Variants in DPP6 observed in about 807,000 individuals in gnomAD.
DPP6 encodes dipeptidyl peptidase like 6, also known as A-type potassium channel modulatory protein DPP6.
A neutral mutation model predicts 122.6 loss-of-function variants in DPP6; 69 were observed. The ratio of observed to expected loss-of-function variants is 0.56; its 90% CI spans 0.46 to 0.69. DPP6 has a LOEUF of 0.69. DPP6 is among the 30% of genes least tolerant of loss of function. The pLI, the probability that DPP6 is intolerant of heterozygous loss-of-function variation, is 0.00. For synonymous variants in DPP6, 418 were observed against 433.1 expected (o/e 0.97, Z 0.43); for missense variants, 928 against 1,116.9 (o/e 0.83, Z 2.41).
At chr7:153,886,399 C>G (rs1455040785), upstream of DPP6, among the ~76,000 whole-genome samples, 1 of 152,038 alleles carries the variant, frequency 6.6e-6, no homozygotes, top group East Asian at 2.0e-4. Context: ...GAAATGGGCG[C>G]TGGGATTTGG....
rs1302679008 is a variant in DPP6 at position 154,686,407 on chromosome 7, C to CT, written c.762+16966_762+16967insT. Reference sequence around the variant, plus strand: ...ATTTGTATATTTGTATTCAAGGCCACCATAAGGATTTTTTTTTTTTTGGCA... The same window carrying CT: ...ATTTGTATATTTGTATTCAAGGCCACTCATAAGGATTTTTTTTTTTTTGGCA... On this transcript the variant is annotated intron_variant, in intron 7 of 25. Coordinates refer to ENST00000377770, the MANE Select transcript of DPP6 (RefSeq NM_130797.4). 1.1e-4 allele frequency among the ~76,000 whole-genome samples: 8 copies of CT among 74,088 alleles called. 1 individual carries two copies. Among genetic ancestry groups the CT allele is most frequent in the Non-Finnish European group, 2.1e-4 (6 of 28,290 alleles). 48.6% of individuals were successfully genotyped at this position (74,088 alleles called of 152,430 possible). A position where few individuals can be genotyped will look rare whatever the true frequency, so the allele number is the denominator to read the frequency against.
the DPP6 span, among the ~76,000 whole-genome samples, chr7:153,826,904 C>T: frequency 6.6e-6 from 1 of 151,836 alleles, no homozygotes; most frequent in Non-Finnish European, 1.5e-5. Flanking sequence ...ATAATTTTGG[C>T]ATATAGATGG....
At chr7:154,657,767 TAGG>T (rs1476126331) in intron 6 of DPP6, among the ~76,000 whole-genome samples, 1 of 152,022 alleles carries the variant, frequency 6.6e-6, no homozygotes, top group Non-Finnish European at 1.5e-5. Context: ...AGAAACTGTG[TAGG>T]AGGAGGTCCT....
intron 1 of DPP6, among the ~76,000 whole-genome samples, chr7:154,044,238 G>T (rs1295114347): frequency 2.0e-5 from 3 of 152,206 alleles, no homozygotes; most frequent in Non-Finnish European, 4.4e-5. Flanking sequence ...AATGCAATTA[G>T]TAGTATAGAC....
chr7:153,878,003 C>T, the DPP6 span, among the ~76,000 whole-genome samples: 1 of 152,078 alleles, frequency 6.6e-6, no homozygotes, highest in African/African-American at 2.4e-5. Flanking sequence ...TACTAAGAAA[C>T]ATATAAAAGC....
chr7:154,884,113 CACACATGCTCACCCAT>C (rs1304520630), intron 21 of DPP6: 3 of 147,946 alleles, frequency 2.0e-5, no homozygotes, highest in Non-Finnish European at 4.5e-5. Flanking sequence ...CACATGCTCA[CACACATGCTCACCCAT>C]ACACATGCTC....
At chr7:154,810,811 T>C (rs942346495) in intron 16 of DPP6, among the ~76,000 whole-genome samples, 1 of 152,082 alleles carries the variant, frequency 6.6e-6, no homozygotes, top group Non-Finnish European at 1.5e-5. Flanking sequence ...ACCTGGCCCA[T>C]TGGGCACCTC....
intron 5 of DPP6, among the ~76,000 whole-genome samples, chr7:154,574,406 GTATGTGTGGTGTGTA>G (rs1176883159): frequency 1.9e-4 from 28 of 146,806 alleles, no homozygotes; most frequent in African/African-American, 6.4e-4. Flanking sequence ...TGTGGTGTGT[GTATGTGTGGTGTGTA>G]TATGTGTGGT....
chr7:154,206,461 A>G (rs951296684), intron 1 of DPP6, among the ~76,000 whole-genome samples: 1 of 152,160 alleles, frequency 6.6e-6, no homozygotes, highest in African/African-American at 2.4e-5. Context: ...CCCCAGACAT[A>G]TTGCTCATCG....
At chr7:154,616,466 A>C (rs910593979) in intron 5 of DPP6, among the ~76,000 whole-genome samples, 17 of 152,118 alleles carry the variant, frequency 1.1e-4, no homozygotes, top group Non-Finnish European at 2.1e-4. Context: ...AGAGGGTAGA[A>C]TCAAAAACAA....
intron 7 of DPP6, among the ~76,000 whole-genome samples, chr7:154,709,908 C>A (rs972696170): frequency 3.3e-5 from 5 of 152,206 alleles, no homozygotes; most frequent in Non-Finnish European, 7.3e-5. Context: ...GGGCCTGACA[C>A]CTGCTTTGAA....
intron 1 of DPP6, among the ~76,000 whole-genome samples, chr7:154,197,929 G>GCCCA (rs1798953740): frequency 6.6e-6 from 1 of 152,100 alleles, no homozygotes; most frequent in Non-Finnish European, 1.5e-5. Context: ...AGCAGGAGCG[G>GCCCA]CCCACCCAGG....
intron 6 of DPP6, among the ~76,000 whole-genome samples, chr7:154,646,190 A>G (rs1836468939): frequency 6.6e-6 from 1 of 152,060 alleles, no homozygotes; most frequent in Non-Finnish European, 1.5e-5. Context: ...CCAATTGACA[A>G]TGACTTCCTG....
chr7:154,003,429 T>A (rs1266792555), intron 1 of DPP6, among the ~76,000 whole-genome samples: 1 of 152,216 alleles, frequency 6.6e-6, no homozygotes, highest in Non-Finnish European at 1.5e-5. Context: ...AGGCTCACAA[T>A]CAATAGTCAT....
At chr7:154,756,992 G>C (rs1162343645) in intron 8 of DPP6, among the ~76,000 whole-genome samples, 1 of 146,698 alleles carries the variant, frequency 6.8e-6, no homozygotes, top group East Asian at 2.0e-4. Context: ...CATCCCTCAC[G>C]GCCCCTGAGG....
At chr7:153,881,088 A>G in the DPP6 span, among the ~76,000 whole-genome samples, 1 of 152,218 alleles carries the variant, frequency 6.6e-6, no homozygotes, top group Non-Finnish European at 1.5e-5. Flanking sequence ...ATAGTGGAAG[A>G]GGCAGCAGCA....
chr7:154,574,789 G>A lies in DPP6; in HGVS notation c.627+7873G>A, dbSNP rs980241173. On this transcript the variant is annotated intron_variant, in intron 5 of 25. Coordinates refer to ENST00000377770, the MANE Select transcript of DPP6 (RefSeq NM_130797.4). Reference sequence around the variant, plus strand: ...ATGTGTGTGGTGCATATGTGTGTGTGTGTGGTGTGTGTTTGTGTGTGTGAT... The same window carrying A: ...ATGTGTGTGGTGCATATGTGTGTGTATGTGGTGTGTGTTTGTGTGTGTGAT... Among the ~76,000 whole-genome samples the A allele has an allele frequency of 8.1e-3, 839 of 103,756 alleles. 13 individuals carry two copies. The highest frequency in any genetic ancestry group is 0.03 in the African/African-American group (730 of 24,362). 68.1% of individuals were successfully genotyped at this position (103,756 alleles called of 152,430 possible). A position where few individuals can be genotyped will look rare whatever the true frequency, so the allele number is the denominator to read the frequency against.
At chr7:154,351,906 C>T (rs979591968) in intron 1 of DPP6, among the ~76,000 whole-genome samples, 1 of 152,130 alleles carries the variant, frequency 6.6e-6, no homozygotes, top group Non-Finnish European at 1.5e-5. Flanking sequence ...GTTCCCTGGT[C>T]TGGGGCATCT....
At chr7:154,082,344 A>G (rs1163412301) in intron 1 of DPP6, among the ~76,000 whole-genome samples, 1 of 152,152 alleles carries the variant, frequency 6.6e-6, no homozygotes, top group East Asian at 1.9e-4. Context: ...ATCCTAATTT[A>G]TAGAGGAGAA....
Sources: allele counts gnomAD v4.1 joint callset (sites outside exome capture counted in the v4.1 genomes callset), GRCh38; gene constraint gnomAD v4.1.1; transcripts MANE v1.5; gene names NCBI Gene and HGNC (gene_info 2026-07-23, HGNC 2026-07-21).